Variants in KALRN observed in about 807,000 individuals in gnomAD.
KALRN encodes kalirin.
Under a neutral mutation model 353.7 loss-of-function variants are expected in KALRN, and 70 were observed. That is an observed-to-expected ratio of 0.20 (90% CI 0.16 to 0.24). KALRN has a LOEUF of 0.24. KALRN is among the 10% of genes least tolerant of loss of function. The pLI, the probability that KALRN is intolerant of heterozygous loss-of-function variation, is 1.00. For synonymous variants in KALRN, 1,391 were observed against 1,434.8 expected (o/e 0.97, Z 0.69); for missense variants, 2,791 against 3,756.7 (o/e 0.74, Z 6.72).
rs138579128 is a variant in KALRN, at chr3:124,181,982, C to T, written c.74-46008C>T. On this transcript the variant is annotated intron_variant, in intron 1 of 59. Coordinates refer to ENST00000682506, the MANE Select transcript of KALRN (RefSeq NM_001388419.1). ...GATATTTCCATGTTAGTGTCCCTGG[C>T]GTGCCTTTATAGTGACTCTATTCTT... Among the ~76,000 whole-genome samples, 843 of 152,188 alleles carry T rather than the reference C, an allele frequency of 5.5e-3. 3 individuals are homozygous for T. Among genetic ancestry groups the T allele is most frequent in the African/African-American group, 0.018 (760 of 41,524 alleles).
At chr3:124,475,278 G>A (rs2108036029) in intron 26 of KALRN, among the ~76,000 whole-genome samples, 1 of 152,188 alleles carries the variant, frequency 6.6e-6, no homozygotes, top group East Asian at 1.9e-4. Flanking sequence ...GATTTTTTGG[G>A]TATCCATCCC....
At chr3:124,565,130 T>TGGC (rs2072644643) in intron 34 of KALRN, among the ~76,000 whole-genome samples, 1 of 152,194 alleles carries the variant, frequency 6.6e-6, no homozygotes, top group South Asian at 2.1e-4. Context: ...CTCCACTAGA[T>TGGC]GGCAGCAGCA....
intron 32 of KALRN, among the ~76,000 whole-genome samples, chr3:124,496,012 T>TATATATATATATATATATAC (rs1345047394): frequency 1.6e-4 from 7 of 43,688 alleles, no homozygotes; most frequent in African/African-American, 2.4e-4. Context: ...TATATATATA[T>TATATATATATATATATATAC]ACACACACAT....
chr3:124,297,736 C>T (rs7623994), intron 5 of KALRN, among the ~76,000 whole-genome samples: 1 of 152,112 alleles, frequency 6.6e-6, no homozygotes, highest in Admixed American at 6.5e-5. Flanking sequence ...AAGAGGATTT[C>T]TTGGCTCAGG....
chr3:124,496,465 C>T lies in KALRN; in HGVS notation c.4935+52C>T, dbSNP rs747036568. On this transcript the variant is annotated intron_variant, in intron 33 of 59. Coordinates refer to ENST00000682506, the MANE Select transcript of KALRN (RefSeq NM_001388419.1). ...CCCTGAGACTTCTTGATGGCTCAAC[C>T]ACCCCTGGAGAGGTACCCCTAGAGA... 6.7e-6 allele frequency: 9 copies of T among 1,335,554 alleles called. No homozygotes were observed. The Admixed American group carries it at 8.4e-5, about 12-fold the overall frequency. The allele number at this position is 1,335,554 out of a possible 1,614,324, so 82.7% of individuals were successfully genotyped here.
intron 1 of KALRN, among the ~76,000 whole-genome samples, chr3:124,114,796 C>T (rs914786014): frequency 1.8e-4 from 28 of 152,148 alleles, no homozygotes; most frequent in African/African-American, 6.8e-4. Flanking sequence ...CAGGCCAAAG[C>T]CAGTGGAATT....
chr3:124,697,690 T>C lies in KALRN; in HGVS notation c.7797T>C (p.Thr2599=), dbSNP rs181771283. ...CCCCCTCCAGCACAGGAAACTGCAC[T>C]ATTTCTGGTTACACTGTGGAGTACA... ...WLPPSSTGNC[T]ISGYTVEYRE... is the part of the protein sequence containing the mutation. Residue 2599 remains threonine, a synonymous_variant, in exon 55 of 60, where the codon ACT becomes ACC. Coordinates refer to ENST00000682506, the MANE Select transcript of KALRN (RefSeq NM_001388419.1). 6.3e-6 allele frequency: 10 copies of C among 1,597,304 alleles called. No homozygotes were observed. The Admixed American group carries it at 6.9e-5, about 11-fold the overall frequency.
intron 57 of KALRN, among the ~76,000 whole-genome samples, chr3:124,710,939 GCTAT>G (rs1213528912): frequency 6.6e-6 from 1 of 152,200 alleles, no homozygotes; most frequent in Non-Finnish European, 1.5e-5. Flanking sequence ...ATTCGGGAGA[GCTAT>G]CCTCAGCATT....
intron 27 of KALRN, among the ~76,000 whole-genome samples, chr3:124,479,288 T>C (rs919398511): frequency 2.0e-5 from 3 of 152,210 alleles, no homozygotes; most frequent in Admixed American, 6.5e-5. Context: ...AGCTTCTACA[T>C]TAGTTGGAAA....
intron 5 of KALRN, among the ~76,000 whole-genome samples, chr3:124,295,187 T>C (rs1207185595): frequency 6.6e-6 from 1 of 152,214 alleles, no homozygotes; most frequent in Non-Finnish European, 1.5e-5. Flanking sequence ...TGATTGTCCC[T>C]TAGGAAACCT....
chr3:124,226,979 G>C (rs369605021), intron 1 of KALRN, among the ~76,000 whole-genome samples: 1 of 152,102 alleles, frequency 6.6e-6, no homozygotes, highest in Non-Finnish European at 1.5e-5. Context: ...GTTATAGCTC[G>C]AATCGCTGTA....
intron 37 of KALRN, among the ~76,000 whole-genome samples, chr3:124,646,483 C>A (rs1298222830): frequency 6.7e-6 from 1 of 149,736 alleles, no homozygotes; most frequent in Non-Finnish European, 1.5e-5. Context: ...CTCCACCTCC[C>A]AGGTCCAAGT....
chr3:124,222,427 G>C lies in KALRN; in HGVS notation c.74-5563G>C, dbSNP rs570791937. Among the ~76,000 whole-genome samples, 3 of 152,338 alleles carry C rather than the reference G, an allele frequency of 2.0e-5. No homozygotes were observed. In the South Asian group the frequency reaches 6.2e-4, roughly 32 times the overall value. ...GGAGAGGGGTCTTCCCATGGTAGGG[G>C]CCAGAGGGGTGATGAGTAGTGTTAG... On this transcript the variant is annotated intron_variant, in intron 1 of 59. Transcript: ENST00000682506.
At chr3:124,531,145 TG>T (rs1006556742) in intron 33 of KALRN, among the ~76,000 whole-genome samples, 1 of 152,172 alleles carries the variant, frequency 6.6e-6, no homozygotes, top group African/African-American at 2.4e-5. Flanking sequence ...AAACTGGAAA[TG>T]ACTCAACACC....
intron 26 of KALRN, among the ~76,000 whole-genome samples, chr3:124,475,442 T>C (rs2061350090): frequency 6.6e-6 from 1 of 152,176 alleles, no homozygotes; most frequent in African/African-American, 2.4e-5. Context: ...CTCAGGCTCA[T>C]GTACAATATA....
intron 36 of KALRN, among the ~76,000 whole-genome samples, chr3:124,636,916 A>G (rs1367763077): frequency 6.6e-6 from 1 of 152,118 alleles, no homozygotes; most frequent in African/African-American, 2.4e-5. Flanking sequence ...GTACAACACT[A>G]GTCTGTAGGC....
intron 3 of KALRN, among the ~76,000 whole-genome samples, chr3:124,260,171 C>G (rs916351392): frequency 6.6e-6 from 1 of 152,218 alleles, no homozygotes; most frequent in African/African-American, 2.4e-5. Context: ...CTCACATACC[C>G]TTTGTCTGAA....
intron 34 of KALRN, among the ~76,000 whole-genome samples, chr3:124,589,833 A>T (rs982544931): frequency 1.3e-5 from 2 of 152,172 alleles, no homozygotes; most frequent in African/African-American, 4.8e-5. Context: ...ATCTTCAGAT[A>T]CAAAAAGTCA....
intron 33 of KALRN, among the ~76,000 whole-genome samples, chr3:124,525,253 G>A (rs546632837): frequency 3.9e-5 from 6 of 152,338 alleles, no homozygotes; most frequent in African/African-American, 1.2e-4. Context: ...GCAGTGATGG[G>A]AGAGGGGGTT....
Sources: gnomAD v4.1 joint callset for allele counts (sites outside exome capture counted in the v4.1 genomes callset) on GRCh38, gnomAD v4.1.1 for gene constraint, MANE v1.5 for transcripts, NCBI Gene and HGNC (gene_info 2026-07-23, HGNC 2026-07-21) for gene names.